CACNA1S: variants seen among roughly 807,000 people sequenced by gnomAD.
CACNA1S encodes calcium voltage-gated channel subunit alpha1 S.
Under a neutral mutation model 207.4 loss-of-function variants are expected in CACNA1S, and 126 were observed. The ratio of observed to expected loss-of-function variants is 0.61; its 90% confidence interval spans 0.53 to 0.70. The LOEUF (loss-of-function observed/expected upper bound fraction) is 0.70. Ranked by LOEUF, CACNA1S falls within the 30% of genes least tolerant of loss-of-function variation. The pLI is 0.00. For missense variants in CACNA1S, 2,349 were observed against 2,422.8 expected (o/e 0.97, Z 0.64); for synonymous variants, 960 against 932.7 (o/e 1.03, Z -0.53).
chr1:201,103,096 A>T (rs181793023), intron 2 of CACNA1S, among the ~76,000 whole-genome samples: 484 of 152,262 alleles, frequency 3.2e-3, no homozygotes, highest in Non-Finnish European at 5.2e-3. Flanking sequence ...ACAAAAAAAA[A>T]TTAGCCAGGT....
intron 6 of CACNA1S, among the ~76,000 whole-genome samples, chr1:201,088,744 T>C (rs1662119481): frequency 6.6e-6 from 1 of 152,216 alleles, no homozygotes; most frequent in Non-Finnish European, 1.5e-5. Context: ...ATAAATAATA[T>C]ACTCCAACAA....
At chr1:201,051,883 C>T (rs1159002428) in intron 32 of CACNA1S, among the ~76,000 whole-genome samples, 1 of 152,226 alleles carries the variant, frequency 6.6e-6, no homozygotes, top group Non-Finnish European at 1.5e-5. Context: ...TCTGCCTGCA[C>T]ACGGTGAGGT....
intron 5 of CACNA1S, among the ~76,000 whole-genome samples, chr1:201,089,986 C>G (rs1272364423): frequency 6.6e-6 from 1 of 152,216 alleles, no homozygotes; most frequent in East Asian, 1.9e-4. Flanking sequence ...CTCCTTTGTT[C>G]CCCTGGATGA....
At chr1:201,079,834 A>AT (rs1240015991) in intron 10 of CACNA1S, among the ~76,000 whole-genome samples, 2 of 152,176 alleles carry the variant, frequency 1.3e-5, no homozygotes, top group Admixed American at 1.3e-4. Context: ...GCTGTCCATC[A>AT]TGAGAATTGC....
intron 28 of CACNA1S, among the ~76,000 whole-genome samples, chr1:201,058,021 C>T (rs1035249593): frequency 3.3e-5 from 5 of 152,186 alleles, no homozygotes; most frequent in South Asian, 2.1e-4. Flanking sequence ...GCATTTCCTG[C>T]GCTGTGCCTC....
intron 1 of CACNA1S, among the ~76,000 whole-genome samples, chr1:201,110,529 C>T (rs1663059652): frequency 6.6e-6 from 1 of 152,182 alleles, no homozygotes; most frequent in South Asian, 2.1e-4. Flanking sequence ...AAGGTCTGGT[C>T]CCTGGCTGAG....
At chr1:201,099,934 G>T (rs1282976566) in intron 2 of CACNA1S, among the ~76,000 whole-genome samples, 1 of 152,102 alleles carries the variant, frequency 6.6e-6, no homozygotes, top group East Asian at 1.9e-4. Context: ...TGAAGGTGTG[G>T]CAGGATCTGG....
Position 201,072,840 on chromosome 1 carries a change from C to A in CACNA1S, c.2158-16G>T. ...CGATTTTCAGCTGTAGGAAGGAACACAATGACTATAACAATGAAAAAGAAG... is the reference window on the plus strand; with the variant it reads ...CGATTTTCAGCTGTAGGAAGGAACAAAATGACTATAACAATGAAAAAGAAG... On this transcript the variant is annotated splice_polypyrimidine_tract_variant and intron_variant, in intron 15 of 43. Transcript: ENST00000362061. 6.2e-7 allele frequency: 1 copy of A among 1,605,352 alleles called. No individual in the cohort carries two copies. The highest frequency in any genetic ancestry group is 8.5e-7 in the Non-Finnish European group (1 of 1,172,070).
At chr1:201,083,121 C>G (rs1033045448) in intron 10 of CACNA1S, 41 bp downstream of exon 10, 1 of 1,612,120 alleles carries the variant, frequency 6.2e-7, no homozygotes, top group African/African-American at 1.3e-5. Flanking sequence ...AAGCCACAGC[C>G]ACATGTGCCC....
chr1:201,078,683 G>C (rs1272487579), intron 10 of CACNA1S, among the ~76,000 whole-genome samples: 1 of 152,032 alleles, frequency 6.6e-6, no homozygotes, highest in South Asian at 2.1e-4. Flanking sequence ...TGGTAGAGAA[G>C]GGTCCTGCCA....
At chr1:201,091,878 C>T in intron 4 of CACNA1S, 86 bp from the exon 5 acceptor site, 2 of 1,600,216 alleles carry the variant, frequency 1.2e-6, no homozygotes, top group East Asian at 2.3e-5. Context: ...TGGGAAGCCC[C>T]TGAGATGTCA....
intron 16 of CACNA1S, among the ~76,000 whole-genome samples, chr1:201,072,454 G>A (rs1572044833): frequency 6.6e-6 from 1 of 152,092 alleles, no homozygotes; most frequent in South Asian, 2.1e-4. Context: ...GTATACCCAC[G>A]TGTCCCTGTG....
At chr1:201,097,386 C>T (rs926767733) in intron 2 of CACNA1S, among the ~76,000 whole-genome samples, 4 of 152,174 alleles carry the variant, frequency 2.6e-5, no homozygotes, top group African/African-American at 7.2e-5. Flanking sequence ...TGCTGGCCAC[C>T]CCGTCAATCA....
intron 2 of CACNA1S, among the ~76,000 whole-genome samples, chr1:201,102,327 C>T (rs1572071400): frequency 6.6e-6 from 1 of 152,274 alleles, no homozygotes; most frequent in Non-Finnish European, 1.5e-5. Flanking sequence ...AGACGGGCTT[C>T]CCACATACAA....
chr1:201,103,851 C>T (rs1662772335), intron 2 of CACNA1S, among the ~76,000 whole-genome samples: 1 of 152,192 alleles, frequency 6.6e-6, no homozygotes, highest in Non-Finnish European at 1.5e-5. Context: ...AGGCTCCAGC[C>T]TCGTGGAGGA....
intron 42 of CACNA1S, 24 bp downstream of exon 42, chr1:201,040,598 C>T (rs1292604255): frequency 1.2e-6 from 2 of 1,603,086 alleles, no homozygotes; most frequent in African/African-American, 2.7e-5. Context: ...ATGGAGTTTG[C>T]TCCCAGGCCT....
intron 13 of CACNA1S, 89 bp from the exon 14 acceptor site, chr1:201,074,709 C>T (rs947876615): frequency 1.1e-5 from 8 of 752,430 alleles, no homozygotes; most frequent in Admixed American, 2.4e-5. Context: ...TGGGCAGGAC[C>T]TAACCCCACT....
chr1:201,074,000 T>C (rs956847951), intron 14 of CACNA1S, among the ~76,000 whole-genome samples: 7 of 152,096 alleles, frequency 4.6e-5, no homozygotes, highest in Non-Finnish European at 8.8e-5. Context: ...CTGAACTCCA[T>C]TGCTGGTCCC....
At chr1:201,073,285 T>C (rs1661483839) in intron 15 of CACNA1S, among the ~76,000 whole-genome samples, 1 of 152,122 alleles carries the variant, frequency 6.6e-6, no homozygotes. Context: ...GGAGAGGAAA[T>C]ACCTCCTTGG....
Sources: allele counts gnomAD v4.1 joint callset (sites outside exome capture counted in the v4.1 genomes callset), GRCh38; gene constraint gnomAD v4.1.1; transcripts MANE v1.5; gene names NCBI Gene and HGNC (gene_info 2026-07-23, HGNC 2026-07-21).